Variants in BRINP3 observed in about 807,000 individuals in gnomAD.
The protein encoded by BRINP3 is BMP/retinoic acid inducible neural specific 3.
Under a neutral mutation model 71.0 loss-of-function variants are expected in BRINP3, and 19 were observed. That is an observed-to-expected ratio of 0.27 (90% CI 0.19 to 0.39). The LOEUF is 0.39. BRINP3 is among the 10% of genes least tolerant of loss of function. The pLI is 1.00. For synonymous variants in BRINP3, 380 were observed against 337.7 expected (o/e 1.13, Z -1.37); for missense variants, 959 against 940.8 (o/e 1.02, Z -0.25).
chr1:190,398,706 A>G (rs1558250918), intron 2 of BRINP3, among the ~76,000 whole-genome samples: 1 of 152,014 alleles, frequency 6.6e-6, no homozygotes, highest in Non-Finnish European at 1.5e-5. Flanking sequence ...ATAGTGTTTT[A>G]TGTTTACATT....
chr1:190,200,714 G>A (rs1654925896), intron 6 of BRINP3, among the ~76,000 whole-genome samples: 1 of 151,908 alleles, frequency 6.6e-6, no homozygotes, highest in East Asian at 1.9e-4. Context: ...TGAATCATGG[G>A]GCAGATCTTT....
intron 7 of BRINP3, among the ~76,000 whole-genome samples, chr1:190,106,742 C>G (rs929512625): frequency 5.3e-5 from 8 of 151,304 alleles, no homozygotes; most frequent in African/African-American, 1.7e-4. Context: ...TTCTTACTAC[C>G]CAGTGAGTGG....
intron 4 of BRINP3, among the ~76,000 whole-genome samples, chr1:190,251,468 A>C (rs541726381): frequency 2.9e-4 from 44 of 152,108 alleles, no homozygotes; most frequent in African/African-American, 1.0e-3. Context: ...ATATTGGGAC[A>C]CCAACCTAGG....
chr1:190,127,203 G>C (rs1314516288), intron 7 of BRINP3, among the ~76,000 whole-genome samples: 2 of 151,544 alleles, frequency 1.3e-5, no homozygotes, highest in African/African-American at 4.8e-5. Context: ...CTGAACTAAA[G>C]AGATGATTAT....
chr1:190,464,821 A>C (rs1676632434), intron 1 of BRINP3, among the ~76,000 whole-genome samples: 1 of 151,974 alleles, frequency 6.6e-6, no homozygotes, highest in Non-Finnish European at 1.5e-5. Flanking sequence ...ACTCTGCTAA[A>C]CCTGTGTTCC....
At chr1:190,283,185 G>A (rs1029770170) in intron 2 of BRINP3, among the ~76,000 whole-genome samples, 25 of 151,932 alleles carry the variant, frequency 1.6e-4, no homozygotes, top group African/African-American at 5.8e-4. Context: ...TTTCATCTTT[G>A]AGAAATTCTT....
At chr1:190,163,999 T>C (rs913538546) in intron 6 of BRINP3, among the ~76,000 whole-genome samples, 5 of 152,154 alleles carry the variant, frequency 3.3e-5, no homozygotes, top group African/African-American at 9.6e-5. Flanking sequence ...CACCACTATA[T>C]TAAATTATCT....
At chr1:190,362,075 T>C (rs1024038494) in intron 2 of BRINP3, 1 of 152,140 alleles carries the variant, frequency 6.6e-6, no homozygotes, top group South Asian at 2.1e-4. Flanking sequence ...TATGAGGGCA[T>C]ACAGTGAGAT....
intron 4 of BRINP3, among the ~76,000 whole-genome samples, chr1:190,240,221 G>T (rs1658930073): frequency 6.6e-6 from 1 of 151,706 alleles, no homozygotes; most frequent in African/African-American, 2.4e-5. Flanking sequence ...GCAATAAAAA[G>T]GATGAATAAA....
rs530390305 is a variant in BRINP3 at position 190,389,124 on chromosome 1, AT to A, written c.236+65530del. Among the ~76,000 whole-genome samples, 3 of 151,924 alleles carry A rather than the reference AT, an allele frequency of 2.0e-5. No individual in the cohort carries two copies. The Admixed American group carries it at 2.0e-4, about 10-fold the overall frequency. On this transcript the variant is annotated intron_variant, in intron 2 of 7. Transcript: ENST00000367462. ...CAGGACAAATTTTATTTAGCAAAAA[AT>A]AAAGAAAAAATATTAAACACATATA... is the stretch of plus-strand genomic sequence containing the variant.
chr1:190,216,190 A>C, intron 6 of BRINP3, among the ~76,000 whole-genome samples: 1 of 151,766 alleles, frequency 6.6e-6, no homozygotes, highest in East Asian at 1.9e-4. Context: ...CTTTCTCATT[A>C]AGTTTGAATC....
At chr1:190,122,535 G>T (rs1385433405) in intron 7 of BRINP3, among the ~76,000 whole-genome samples, 1 of 140,086 alleles carries the variant, frequency 7.1e-6, no homozygotes, top group African/African-American at 2.6e-5. Context: ...GGAATCACCG[G>T]CATGAAAGGC....
At chr1:190,273,914 G>A (rs1398637478) in intron 3 of BRINP3, among the ~76,000 whole-genome samples, 1 of 151,552 alleles carries the variant, frequency 6.6e-6, no homozygotes, top group Non-Finnish European at 1.5e-5. Context: ...CATCATAAAT[G>A]CAAACATGCA....
intron 2 of BRINP3, among the ~76,000 whole-genome samples, chr1:190,331,117 C>T (rs909466218): frequency 1.3e-5 from 2 of 151,996 alleles, no homozygotes; most frequent in African/African-American, 2.4e-5. Context: ...AATTTAAAAA[C>T]TCTATATCCA....
chr1:190,297,713 T>C (rs146167674), intron 2 of BRINP3, among the ~76,000 whole-genome samples: 32 of 152,104 alleles, frequency 2.1e-4, no homozygotes, highest in African/African-American at 7.7e-4. Context: ...AAACTTACAA[T>C]GCTAGAATAA....
At chr1:190,233,469 C>A (rs956250971) in intron 5 of BRINP3, among the ~76,000 whole-genome samples, 3 of 152,114 alleles carry the variant, frequency 2.0e-5, no homozygotes, top group African/African-American at 7.2e-5. Flanking sequence ...GCATAAGCCA[C>A]CACGTGGGGA....
At chr1:190,301,770 C>T (rs1571685371) in intron 2 of BRINP3, among the ~76,000 whole-genome samples, 1 of 151,724 alleles carries the variant, frequency 6.6e-6, no homozygotes, top group South Asian at 2.1e-4. Flanking sequence ...CATAACTATA[C>T]AAAAGTGTTA....
intron 6 of BRINP3, among the ~76,000 whole-genome samples, chr1:190,202,407 T>C (rs1431523859): frequency 6.6e-6 from 1 of 152,200 alleles, no homozygotes; most frequent in Admixed American, 6.5e-5. Flanking sequence ...GGTCTTGCCT[T>C]GTCTTGAATG....
At chr1:190,320,263 A>C (rs1571737696) in intron 2 of BRINP3, among the ~76,000 whole-genome samples, 1 of 152,204 alleles carries the variant, frequency 6.6e-6, no homozygotes, top group East Asian at 1.9e-4. Flanking sequence ...ACAGGTAAGA[A>C]AGATTAATAA....
Sources: allele counts gnomAD v4.1 joint callset (sites outside exome capture counted in the v4.1 genomes callset), GRCh38; gene constraint gnomAD v4.1.1; transcripts MANE v1.5; gene names NCBI Gene and HGNC (gene_info 2026-07-23, HGNC 2026-07-21).